The following TLN2 variants were observed in gnomAD, a reference collection of about 807,000 sequenced individuals.
The protein encoded by TLN2 is talin-2.
A neutral mutation model predicts 294.7 loss-of-function variants in TLN2; 118 were observed. The observed-to-expected ratio is 0.40, with a 90% CI of 0.34 to 0.47. The LOEUF (loss-of-function observed/expected upper bound fraction) is 0.47, where lower values mean the gene tolerates loss of function less well. TLN2 is among the 20% of genes least tolerant of loss of function. The probability of loss-of-function intolerance (pLI) is 0.84; values close to 1 mark genes in which losing one functional copy is unlikely to be tolerated. For missense variants in TLN2, 3,083 were observed against 3,282.2 expected, an observed-to-expected ratio of 0.94 and a Z score of 1.48; for synonymous variants, 1,431 against 1,304.5, an observed-to-expected ratio of 1.10 and a Z score of -2.09.
At chr15:62,428,830 A>G (rs1471129419) in intron 1 of TLN2, among the ~76,000 whole-genome samples, 1 of 152,184 alleles carries the variant, frequency 6.6e-6, no homozygotes, top group Non-Finnish European at 1.5e-5. Flanking sequence ...TCCAGTAGGT[A>G]ATGTTATAAT....
At chr15:62,839,825 A>G (rs2070391582) in intron 58 of TLN2, among the ~76,000 whole-genome samples, 1 of 152,248 alleles carries the variant, frequency 6.6e-6, no homozygotes, top group Admixed American at 6.5e-5. Flanking sequence ...CTCTGATCAA[A>G]TAACACTGGA....
chr15:62,750,387 GTTC>G lies in TLN2; in HGVS notation c.4120-7_4120-5del, dbSNP rs756470629. On this transcript the variant is annotated splice_polypyrimidine_tract_variant and intron_variant, in intron 33 of 58. Coordinates refer to ENST00000636159, the MANE Select transcript of TLN2 (RefSeq NM_015059.3). ...GACATTTGCTTGCTTTTTATGTTGT[GTTC>G]TTCTTCTGTAGACTGTGAAGGGGAT... is the stretch of plus-strand genomic sequence containing the variant. 1.1e-4 allele frequency: 170 copies of G among 1,610,884 alleles called. No homozygotes were observed. Among genetic ancestry groups the G allele is most frequent in the Admixed American group, 5.3e-4 (32 of 60,004 alleles).
intron 11 of TLN2, among the ~76,000 whole-genome samples, chr15:62,682,215 A>G (rs553395087): frequency 5.0e-4 from 76 of 152,370 alleles, no homozygotes; most frequent in Non-Finnish European, 5.6e-4. Flanking sequence ...AATGAATGGC[A>G]TGGTTATGTT....
At chr15:62,400,976 T>C (rs568688119) in intron 1 of TLN2, among the ~76,000 whole-genome samples, 1 of 152,012 alleles carries the variant, frequency 6.6e-6, no homozygotes, top group Non-Finnish European at 1.5e-5. Flanking sequence ...CCACCATGCT[T>C]GGCTAATTTT....
intron 27 of TLN2, among the ~76,000 whole-genome samples, chr15:62,725,782 A>G (rs1334616316): frequency 1.3e-5 from 2 of 152,176 alleles, no homozygotes; most frequent in Non-Finnish European, 1.5e-5. Flanking sequence ...CGTTCTGTCC[A>G]ATGTTATCTG....
At chr15:62,838,068 C>T (rs1424563524) in intron 57 of TLN2, 2 of 152,190 alleles carry the variant, frequency 1.3e-5, no homozygotes, top group African/African-American at 4.8e-5. Context: ...AGGCAATAGC[C>T]CTTAAGGAAG....
chr15:62,662,825 T>TTG (rs2054030447), intron 9 of TLN2, among the ~76,000 whole-genome samples: 1 of 137,456 alleles, frequency 7.3e-6, no homozygotes, highest in South Asian at 2.5e-4. Context: ...TGAGAGAGTT[T>TTG]TTTTTTTTTT....
intron 1 of TLN2, among the ~76,000 whole-genome samples, chr15:62,581,416 A>G (rs1000405337): frequency 1.3e-5 from 2 of 152,288 alleles, no homozygotes; most frequent in African/African-American, 4.8e-5. Flanking sequence ...CTGTTTTCCC[A>G]AAAGAAAAAC....
chr15:62,662,520 CAT>C (rs1437756674), intron 9 of TLN2, among the ~76,000 whole-genome samples: 2 of 152,118 alleles, frequency 1.3e-5, no homozygotes. Context: ...TCCAACATGA[CAT>C]ATGTGCGTGT....
chr15:62,558,510 G>C (rs1016321748), intron 1 of TLN2, among the ~76,000 whole-genome samples: 1 of 151,970 alleles, frequency 6.6e-6, no homozygotes, highest in African/African-American at 2.4e-5. Flanking sequence ...AATTGGAACA[G>C]ACCCCGTTCT....
Position 62,843,341 on chromosome 15 carries a change from G to A in TLN2, c.*2731G>A, listed in dbSNP as rs1168586526. 1 of 152,210 alleles carries A rather than the reference G, an allele frequency of 6.6e-6. No homozygotes were observed. Among genetic ancestry groups the A allele is most frequent in the African/African-American group, 2.4e-5 (1 of 41,448 alleles). 9.4% of individuals were successfully genotyped at this position (152,210 alleles called of 1,614,324 possible). ...GATTTGAAAATTTAGATTTTACTTGGGCCTTTCAGGAGTCTTTAGATAGGG... is the reference window on the plus strand; with the variant it reads ...GATTTGAAAATTTAGATTTTACTTGAGCCTTTCAGGAGTCTTTAGATAGGG... On this transcript the variant is annotated 3_prime_UTR_variant, in exon 59 of 59. Coordinates refer to ENST00000636159, the MANE Select transcript of TLN2 (RefSeq NM_015059.3).
intron 54 of TLN2, chr15:62,829,669 CTAA>C (rs1555523906): frequency 6.6e-6 from 1 of 152,184 alleles, no homozygotes; most frequent in Non-Finnish European, 1.5e-5. Flanking sequence ...TTACACTGTT[CTAA>C]TTATTTTAAA....
intron 31 of TLN2, chr15:62,740,344 G>A: frequency 3.2e-6 from 1 of 316,728 alleles, no homozygotes; most frequent in Non-Finnish European, 5.9e-6. Flanking sequence ...CTCCCACCCT[G>A]CTCCCCGCTT....
chr15:62,532,053 C>CTTTTTT (rs68187150), intron 1 of TLN2, among the ~76,000 whole-genome samples: 1 of 144,766 alleles, frequency 6.9e-6, no homozygotes. Context: ...TTTCTCTTTT[C>CTTTTTT]TTTTTTTTTT....
chr15:62,781,498 A>C (rs1393218022), intron 44 of TLN2, among the ~76,000 whole-genome samples: 1 of 152,252 alleles, frequency 6.6e-6, no homozygotes, highest in Non-Finnish European at 1.5e-5. Flanking sequence ...GCATGAGGAC[A>C]GAGGAGCAAA....
At chr15:62,587,336 G>A (rs997497989) in intron 1 of TLN2, among the ~76,000 whole-genome samples, 74 of 152,272 alleles carry the variant, frequency 4.9e-4, no homozygotes, top group Middle Eastern at 3.4e-3. Flanking sequence ...CTCATTTTAT[G>A]AAATTTAAAC....
At chr15:62,689,412 G>C (rs555104783) in intron 12 of TLN2, among the ~76,000 whole-genome samples, 5 of 152,260 alleles carry the variant, frequency 3.3e-5, no homozygotes, top group South Asian at 4.1e-4. Context: ...AAAATGTGAT[G>C]AAAGAAACTC....
At chr15:62,506,963 G>C (rs1255628557) in intron 1 of TLN2, among the ~76,000 whole-genome samples, 1 of 151,854 alleles carries the variant, frequency 6.6e-6, no homozygotes, top group South Asian at 2.1e-4. Context: ...TGAATGACAA[G>C]ATATTTGTTG....
At chr15:62,683,380 GGGCTTGGGTTTATT>G (rs2057002747) in intron 11 of TLN2, among the ~76,000 whole-genome samples, 2 of 152,302 alleles carry the variant, frequency 1.3e-5, no homozygotes, top group Middle Eastern at 3.4e-3. Flanking sequence ...TGAAAGAGGA[GGGCTTGGGTTTATT>G]AGCGAATCCT....
Sources: allele counts gnomAD v4.1 joint callset (sites outside exome capture counted in the v4.1 genomes callset), GRCh38; gene constraint gnomAD v4.1.1; transcripts MANE v1.5; gene names NCBI Gene and HGNC (gene_info 2026-07-23, HGNC 2026-07-21).